The following NBAS variants were observed in gnomAD, a reference collection of about 807,000 sequenced individuals.
The protein encoded by NBAS is NBAS subunit of NRZ tethering complex, also known as NAG/BC035112 fusion.
In NBAS, 219 loss-of-function variants were observed where a neutral mutation model predicts 302.5. The ratio of observed to expected loss-of-function variants is 0.72; its 90% CI spans 0.65 to 0.81. The LOEUF is 0.81. NBAS is among the 30% of genes least tolerant of loss of function. The pLI, the probability that NBAS is intolerant of heterozygous loss-of-function variation, is 0.00. For synonymous variants in NBAS, 1,118 were observed against 1,021.6 expected (o/e 1.09, Z -1.80); for missense variants, 2,932 against 2,841.6 (o/e 1.03, Z -0.72).
the NBAS span, among the ~76,000 whole-genome samples, chr2:15,155,347 A>AT: frequency 6.6e-6 from 1 of 152,092 alleles, no homozygotes; most frequent in Non-Finnish European, 1.5e-5. Flanking sequence ...GCTTCTTCTT[A>AT]TTTTTTTCAA....
chr2:14,878,877 A>G, the NBAS span, among the ~76,000 whole-genome samples: 1 of 152,214 alleles, frequency 6.6e-6, no homozygotes, highest in East Asian at 1.9e-4. Flanking sequence ...GTTTAGACAA[A>G]CATATGATGT....
intron 26 of NBAS, among the ~76,000 whole-genome samples, chr2:15,401,701 A>G (rs968361605): frequency 6.6e-6 from 1 of 152,206 alleles, no homozygotes; most frequent in Non-Finnish European, 1.5e-5. Context: ...CATATTATAT[A>G]CGTTTCCATT....
At position 15,521,344 on chromosome 2, in the gene NBAS, A is replaced by G. The variant is rs1163596287; in HGVS notation, c.747-9994T>C. Among the ~76,000 whole-genome samples, 8 of 152,294 alleles carry G rather than the reference A, an allele frequency of 5.3e-5. No individual in the cohort carries two copies. In the East Asian group the frequency reaches 1.5e-3, roughly 29 times the overall value. On this transcript the variant is annotated intron_variant, in intron 9 of 51. Coordinates refer to ENST00000281513, the MANE Select transcript of NBAS (RefSeq NM_015909.4). The stretch of plus-strand genomic sequence containing the variant: ...TCACTCAACTGTAATTTCACCGAAG[A>G]AAAGTTTGGAAAAAACCTGTTTTAG...
chr2:15,355,516 C>T (rs1294741787), intron 33 of NBAS, among the ~76,000 whole-genome samples: 4 of 152,174 alleles, frequency 2.6e-5, no homozygotes, highest in Admixed American at 1.3e-4. Flanking sequence ...CTATCTGATA[C>T]GGTTTGGATC....
intron 48 of NBAS, among the ~76,000 whole-genome samples, chr2:15,214,518 C>T (rs1470617890): frequency 7.2e-5 from 11 of 152,150 alleles, no homozygotes; most frequent in Non-Finnish European, 1.0e-4. Context: ...ACTGGGGATG[C>T]TTTTGAAAGT....
chr2:15,401,684 C>T (rs534704398), intron 26 of NBAS, among the ~76,000 whole-genome samples: 3 of 152,174 alleles, frequency 2.0e-5, no homozygotes, highest in Non-Finnish European at 4.4e-5. Flanking sequence ...ACTAAATAAT[C>T]CAAAAGCATA....
At chr2:15,000,557 T>C in the NBAS span, among the ~76,000 whole-genome samples, 2 of 152,148 alleles carry the variant, frequency 1.3e-5, no homozygotes, top group Non-Finnish European at 2.9e-5. Flanking sequence ...CTGAAACTGA[T>C]TATTTTCCAA....
chr2:14,879,865 T>C, the NBAS span, among the ~76,000 whole-genome samples: 8 of 152,114 alleles, frequency 5.3e-5, no homozygotes, highest in Non-Finnish European at 7.4e-5. Flanking sequence ...GAAACACAGA[T>C]AACATCATGC....
At chr2:14,784,510 G>A in the NBAS span, among the ~76,000 whole-genome samples, 1 of 152,142 alleles carries the variant, frequency 6.6e-6, no homozygotes, top group African/African-American at 2.4e-5. Context: ...TGTAATGAAT[G>A]GATTCAGTTT....
At chr2:15,203,872 GTGTGTGTGTGTGTGTGCT>G (rs1466007290) in intron 48 of NBAS, among the ~76,000 whole-genome samples, 1 of 87,934 alleles carries the variant, frequency 1.1e-5, no homozygotes, top group African/African-American at 6.8e-5. Context: ...GTCTGTGTCT[GTGTGTGTGTGTGTGTGCT>G]TGTGTGTGTG....
At chr2:14,813,184 C>T in the NBAS span, among the ~76,000 whole-genome samples, 1 of 152,064 alleles carries the variant, frequency 6.6e-6, no homozygotes, top group East Asian at 1.9e-4. Context: ...CAGAAAATTG[C>T]TACCAGAAAA....
the NBAS span, among the ~76,000 whole-genome samples, chr2:14,866,721 A>T: frequency 8.5e-5 from 13 of 152,340 alleles, no homozygotes; most frequent in South Asian, 2.7e-3. Flanking sequence ...CACTGAAGGC[A>T]TAAGAGACAT....
rs985213091 is a variant in NBAS at position 15,561,238 on chromosome 2, G to A, written c.67C>T (p.Leu23Phe). The stretch of plus-strand genomic sequence containing the variant: ...TCGGTGTTGACCAACAAGTCATAGA[G>A]AATCGTCTCCTCCTCACCCTCTGCA... ...GTAEGEEETI[L>F]YDLLVNTEWP... Residue 23 changes from leucine to phenylalanine, a missense_variant, in exon 1 of 52, where the codon CTC (leucine) becomes TTC (phenylalanine). Leu to Phe is a conservative substitution (Grantham distance 22). Coordinates refer to ENST00000281513, the MANE Select transcript of NBAS (RefSeq NM_015909.4). The A allele has an allele frequency of 3.1e-6, 5 of 1,614,018 alleles. No homozygotes were observed. The highest frequency in any genetic ancestry group is 4.2e-6 in the Non-Finnish European group (5 of 1,180,034).
the NBAS span, among the ~76,000 whole-genome samples, chr2:15,057,362 G>C: frequency 6.7e-6 from 1 of 148,978 alleles, no homozygotes; most frequent in Non-Finnish European, 1.5e-5. Flanking sequence ...GGGCAGAAGA[G>C]AGAGAGAGAC....
the NBAS span, among the ~76,000 whole-genome samples, chr2:14,968,697 TA>T: frequency 2.0e-5 from 3 of 152,192 alleles, no homozygotes; most frequent in African/African-American, 7.2e-5. Flanking sequence ...AGACAAACAA[TA>T]GTCTTCCAAG....
intron 23 of NBAS, 59 bp from the exon 24 acceptor site, chr2:15,417,771 A>G (rs1319866373): frequency 2.0e-6 from 3 of 1,498,480 alleles, no homozygotes; most frequent in Non-Finnish European, 2.8e-6. Flanking sequence ...TCTATTCTAA[A>G]GTAAAAGTCT....
At chr2:15,250,694 C>G (rs1486918352) in intron 44 of NBAS, among the ~76,000 whole-genome samples, 2 of 152,144 alleles carry the variant, frequency 1.3e-5, no homozygotes, top group East Asian at 1.9e-4. Context: ...ATGCGGCCAA[C>G]AAGCATATGA....
chr2:15,305,038 T>G (rs1322452225), intron 40 of NBAS, among the ~76,000 whole-genome samples: 1 of 152,170 alleles, frequency 6.6e-6, no homozygotes, highest in Non-Finnish European at 1.5e-5. Flanking sequence ...CAAATTAAGA[T>G]TCTGGGGAAC....
At chr2:15,033,861 C>T in the NBAS span, among the ~76,000 whole-genome samples, 18 of 151,758 alleles carry the variant, frequency 1.2e-4, no homozygotes, top group East Asian at 2.0e-4. Context: ...AGTGTGATGA[C>T]GGCTTGAACC....
Sources: gnomAD v4.1 joint callset for allele counts (sites outside exome capture counted in the v4.1 genomes callset) on GRCh38, gnomAD v4.1.1 for gene constraint, MANE v1.5 for transcripts, NCBI Gene and HGNC (gene_info 2026-07-23, HGNC 2026-07-21) for gene names.